Variants in LTAP1 observed in about 807,000 individuals in gnomAD.
LTAP1 encodes the protein HCV NS5A-transactivated protein 4.
the LTAP1 span, chr1:154,220,421 C>T: frequency 6.2e-6 from 10 of 1,614,224 alleles, no homozygotes; most frequent in Non-Finnish European, 8.5e-6. Context: ...CTCCCTACCT[C>T]GCGCAGAATT....
the LTAP1 span, chr1:154,220,008 G>A: frequency 7.9e-7 from 1 of 1,261,736 alleles, no homozygotes; most frequent in Non-Finnish European, 1.1e-6. Context: ...AAAAAAGCAT[G>A]CCTTCATTCC....
the LTAP1 span, chr1:154,212,854 A>G: frequency 2.0e-6 from 1 of 491,208 alleles, no homozygotes; most frequent in South Asian, 2.1e-5. Context: ...TAGAGACAAA[A>G]ATACAAAAGG....
At chr1:154,220,361 A>G in the LTAP1 span, 1 of 1,614,226 alleles carries the variant, frequency 6.2e-7, no homozygotes, top group Non-Finnish European at 8.5e-7. Context: ...GTAGGCCATC[A>G]CCAGCACGAC....
chr1:154,209,344 A>G, the LTAP1 span, among the ~76,000 whole-genome samples: 1 of 151,856 alleles, frequency 6.6e-6, no homozygotes, highest in Non-Finnish European at 1.5e-5. Flanking sequence ...GTGAATTTTG[A>G]ACAGGCTTCT....
the LTAP1 span, among the ~76,000 whole-genome samples, chr1:154,216,001 CTAA>C: frequency 2.0e-5 from 3 of 152,076 alleles, no homozygotes; most frequent in Non-Finnish European, 4.4e-5. Context: ...CCACGCCTGG[CTAA>C]TTTTTTGTAT....
the LTAP1 span, chr1:154,219,783 T>G: frequency 7.6e-7 from 1 of 1,314,064 alleles, no homozygotes; most frequent in Non-Finnish European, 1.1e-6. Flanking sequence ...AATCTCATTC[T>G]TGACCCTAAA....
the LTAP1 span, chr1:154,212,439 G>T: frequency 6.2e-7 from 1 of 1,613,988 alleles, no homozygotes; most frequent in Non-Finnish European, 8.5e-7. Flanking sequence ...TTAGTGCCCC[G>T]AAGAAAAAAC....
the LTAP1 span, chr1:154,212,498 G>C: frequency 6.2e-7 from 1 of 1,614,172 alleles, no homozygotes; most frequent in East Asian, 2.2e-5. Flanking sequence ...ATCCAAAAGG[G>C]TATCAATGAG....
the LTAP1 span, among the ~76,000 whole-genome samples, chr1:154,210,370 T>G: frequency 6.6e-6 from 1 of 152,300 alleles, no homozygotes; most frequent in East Asian, 1.9e-4. Context: ...ACAACGTAGC[T>G]CATTTTTAGG....
At chr1:154,220,041 A>C in the LTAP1 span, 1 of 1,070,104 alleles carries the variant, frequency 9.3e-7, no homozygotes, top group Non-Finnish European at 1.3e-6. Flanking sequence ...TCCGGCTCTC[A>C]GGAATGTTTC....
the LTAP1 span, among the ~76,000 whole-genome samples, chr1:154,209,149 TCA>T: frequency 3.0e-4 from 45 of 152,284 alleles, no homozygotes; most frequent in Admixed American, 7.9e-4. Context: ...TTAAGTATAT[TCA>T]CAGTGTTGTG....
the LTAP1 span, among the ~76,000 whole-genome samples, chr1:154,214,845 T>C: frequency 2.6e-3 from 187 of 70,960 alleles, 1 homozygote; most frequent in Admixed American, 5.9e-3. Flanking sequence ...TTATTTCCAA[T>C]TTTTTTTTTT....
chr1:154,215,595 C>A, the LTAP1 span, among the ~76,000 whole-genome samples: 2 of 151,560 alleles, frequency 1.3e-5, 1 homozygote, highest in South Asian at 4.2e-4. Flanking sequence ...AAAGGTAGCA[C>A]CTCTCAGTTA....
the LTAP1 span, among the ~76,000 whole-genome samples, chr1:154,215,423 G>A: frequency 4.6e-5 from 7 of 151,926 alleles, no homozygotes; most frequent in Non-Finnish European, 1.0e-4. Context: ...AAAATTAGCC[G>A]GGCGTTGTGG....
At chr1:154,208,916 T>C in the LTAP1 span, among the ~76,000 whole-genome samples, 1 of 152,028 alleles carries the variant, frequency 6.6e-6, no homozygotes, top group Admixed American at 6.6e-5. Context: ...CCCAGCCAAT[T>C]TTTCTATTTT....
chr1:154,211,100 G>A, the LTAP1 span, among the ~76,000 whole-genome samples: 2 of 151,038 alleles, frequency 1.3e-5, no homozygotes, highest in Non-Finnish European at 2.9e-5. Flanking sequence ...TCCACCTCCC[G>A]GGTTCAAGTG....
At chr1:154,219,998 A>AAAAAAGCAT in the LTAP1 span, 1 of 828,620 alleles carries the variant, frequency 1.2e-6, no homozygotes. Flanking sequence ...TTTTTTTTTT[A>AAAAAAGCAT]AAAAAGCATG....
At chr1:154,212,900 T>C in the LTAP1 span, among the ~76,000 whole-genome samples, 1 of 152,062 alleles carries the variant, frequency 6.6e-6, no homozygotes, top group African/African-American at 2.4e-5. Context: ...CTTGAACTCC[T>C]GGCCTCCTGT....
chr1:154,210,572 G>A, the LTAP1 span, among the ~76,000 whole-genome samples: 1 of 152,196 alleles, frequency 6.6e-6, no homozygotes. Flanking sequence ...CCACCTCCCA[G>A]GTTCAAGCGA....
Sources: allele counts gnomAD v4.1 joint callset (sites outside exome capture counted in the v4.1 genomes callset), GRCh38; gene constraint gnomAD v4.1.1; transcripts MANE v1.5; gene names NCBI Gene and HGNC (gene_info 2026-07-23, HGNC 2026-07-21).